The following NSD2 variants were observed in gnomAD, a reference collection of about 807,000 sequenced individuals.
The protein encoded by NSD2 is histone-lysine N-methyltransferase NSD2.
In NSD2, 12 loss-of-function variants were observed where a neutral mutation model predicts 139.0. The observed-to-expected ratio is 0.09, with a 90% CI of 0.06 to 0.14. NSD2 has a LOEUF of 0.14. Among genes scored for constraint, NSD2 ranks in the 10% least tolerant of loss-of-function variants. The pLI is 1.00. For missense variants in NSD2, 1,155 were observed against 1,745.0 expected (o/e 0.66, Z 6.02); for synonymous variants, 669 against 648.7 (o/e 1.03, Z -0.48).
intron 3 of NSD2, among the ~76,000 whole-genome samples, chr4:1,906,592 G>A (rs1717930514): frequency 6.8e-6 from 1 of 147,952 alleles, no homozygotes; most frequent in African/African-American, 2.5e-5. Context: ...AGTAATTCCT[G>A]TAGTCTGCAA....
intron 1 of NSD2, among the ~76,000 whole-genome samples, chr4:1,885,228 T>C (rs1186122405): frequency 6.6e-6 from 1 of 152,214 alleles, no homozygotes; most frequent in African/African-American, 2.4e-5. Context: ...ATGTCTATTT[T>C]TTATATACCA....
At chr4:1,883,337 A>AC (rs1714843560) in intron 1 of NSD2, among the ~76,000 whole-genome samples, 1 of 148,232 alleles carries the variant, frequency 6.7e-6, no homozygotes, top group African/African-American at 2.5e-5. Flanking sequence ...TTAAAAGTGT[A>AC]CCCCCTCTGC....
intron 1 of NSD2, among the ~76,000 whole-genome samples, chr4:1,878,165 G>A (rs546341778): frequency 9.8e-5 from 14 of 143,048 alleles, no homozygotes; most frequent in Non-Finnish European, 1.9e-4. Flanking sequence ...GGTTCAAGCG[G>A]TTCTCCTGCC....
intron 1 of NSD2, among the ~76,000 whole-genome samples, chr4:1,874,748 C>T (rs1385809039): frequency 6.6e-6 from 1 of 152,094 alleles, no homozygotes; most frequent in Non-Finnish European, 1.5e-5. Flanking sequence ...GTCAATTTCT[C>T]TATCCTTGGT....
At chr4:1,943,930 G>C in intron 9 of NSD2, 2 of 1,064,162 alleles carry the variant, frequency 1.9e-6, no homozygotes, top group Non-Finnish European at 2.3e-6. Context: ...TGCATTAGAA[G>C]TCAGCCAGCG....
At chr4:1,945,295 A>G in intron 9 of NSD2, 3 of 1,066,078 alleles carry the variant, frequency 2.8e-6, no homozygotes, top group Non-Finnish European at 3.4e-6. Flanking sequence ...TGAGCACACC[A>G]CAGGAAAGGA....
Position 1,953,373 on chromosome 4 carries a change from CTG to C in NSD2, c.2192_2193del (p.Val731GlyfsTer10). The C allele has an allele frequency of 6.2e-7, 1 of 1,614,248 alleles. No homozygotes were observed. The highest frequency in any genetic ancestry group is 8.5e-7 in the Non-Finnish European group (1 of 1,180,052). On this transcript the variant is annotated frameshift_variant, in exon 12 of 22. Transcript: ENST00000508803. LOFTEE classifies it high-confidence loss of function. ...AAGAGAGCAAGACAGATGTTAAGCGCTGTGTGGTAACTCAGTGTGGAAAATTT... is the reference window on the plus strand; with the variant it reads ...AAGAGAGCAAGACAGATGTTAAGCGCTGTGGTAACTCAGTGTGGAAAATTT... ...CKESKTDVKR[C>X]VVTQCGKFYH...
chr4:1,963,993 G>A (rs893707732), intron 18 of NSD2, among the ~76,000 whole-genome samples: 6 of 152,142 alleles, frequency 3.9e-5, no homozygotes, highest in African/African-American at 1.2e-4. Flanking sequence ...ATGGGAACCC[G>A]GTCTCTAAAC....
At chr4:1,872,583 T>TGC (rs1255714415) in intron 1 of NSD2, among the ~76,000 whole-genome samples, 1 of 62,598 alleles carries the variant, frequency 1.6e-5, no homozygotes, top group Non-Finnish European at 3.4e-5. Context: ...TGTGTGTGTG[T>TGC]GTGTGTGTGA....
chr4:1,881,983 T>G (rs1382324815), intron 1 of NSD2, among the ~76,000 whole-genome samples: 2 of 152,154 alleles, frequency 1.3e-5, no homozygotes, highest in Non-Finnish European at 2.9e-5. Flanking sequence ...GCAGAGGGTG[T>G]CAGGCAAGTT....
chr4:1,933,644 T>G (rs1301983059), intron 6 of NSD2, among the ~76,000 whole-genome samples: 3 of 152,114 alleles, frequency 2.0e-5, no homozygotes, highest in African/African-American at 7.2e-5. Context: ...TCCACCCACC[T>G]CGGCCTCCCA....
chr4:1,898,707 G>A (rs73202829), intron 1 of NSD2, among the ~76,000 whole-genome samples: 4 of 55,122 alleles, frequency 7.3e-5, no homozygotes, highest in African/African-American at 2.8e-4. Context: ...TTTTTTTTTT[G>A]TCCAGCAGCT....
intron 8 of NSD2, chr4:1,939,201 TA>T (rs539648507): frequency 0.014 from 2,057 of 148,380 alleles, 1 homozygote; most frequent in South Asian, 0.021. Flanking sequence ...AAACAGACTT[TA>T]AAAAAAAAAA....
chr4:1,954,911 C>T (rs551482168), intron 12 of NSD2, among the ~76,000 whole-genome samples: 3 of 152,136 alleles, frequency 2.0e-5, no homozygotes, highest in Non-Finnish European at 2.9e-5. Flanking sequence ...ATGCCCAGGT[C>T]GGCTGCCCAC....
intron 1 of NSD2, among the ~76,000 whole-genome samples, chr4:1,880,089 TTTC>T (rs1714590804): frequency 6.6e-6 from 1 of 152,204 alleles, no homozygotes; most frequent in Non-Finnish European, 1.5e-5. Context: ...AAAATGTGAA[TTTC>T]TAGATTTTTG....
In NSD2 at chr4:1,918,858, C is replaced by T. The variant is rs112451163; in HGVS notation, c.1410+235C>T. The T allele has an allele frequency of 1.9e-3, 944 of 491,162 alleles. 9 individuals carry two copies. The highest frequency in any genetic ancestry group is 0.017 in the African/African-American group (873 of 51,500). The allele number at this position is 491,162 out of a possible 1,614,324, so 30.4% of individuals were successfully genotyped here. On this transcript the variant is annotated intron_variant, in intron 5 of 21. Coordinates refer to ENST00000508803, the MANE Select transcript of NSD2 (RefSeq NM_001042424.3). ...CTTCCTAATGTGGATAAGAAGATAC[C>T]GAGAACAGGCCAGGCACAGTGGCTC...
intron 5 of NSD2, among the ~76,000 whole-genome samples, chr4:1,927,754 T>C (rs564256302): frequency 9.0e-6 from 1 of 110,860 alleles, no homozygotes; most frequent in Non-Finnish European, 1.8e-5. Context: ...AAAAAAGCCG[T>C]GTAGGGAGCA....
intron 9 of NSD2, chr4:1,946,113 G>A: frequency 9.7e-7 from 1 of 1,028,922 alleles, no homozygotes; most frequent in Non-Finnish European, 1.2e-6. Context: ...GAGGTGTGCG[G>A]TTTATCTTTG....
chr4:1,901,643 G>T (rs570845362), intron 2 of NSD2, among the ~76,000 whole-genome samples: 78 of 152,338 alleles, frequency 5.1e-4, no homozygotes, highest in African/African-American at 1.8e-3. Flanking sequence ...GGTCAGTGGA[G>T]ACAGGCTGGG....
Sources: allele counts gnomAD v4.1 joint callset (sites outside exome capture counted in the v4.1 genomes callset), GRCh38; gene constraint gnomAD v4.1.1; transcripts MANE v1.5; gene names NCBI Gene and HGNC (gene_info 2026-07-23, HGNC 2026-07-21).